FOXP1: variants seen among roughly 807,000 people sequenced by gnomAD.
FOXP1 encodes the protein forkhead box P1.
Under a neutral mutation model 98.2 loss-of-function variants are expected in FOXP1, and 15 were observed. The observed-to-expected ratio is 0.15, with a 90% CI of 0.10 to 0.24. The LOEUF (loss-of-function observed/expected upper bound fraction) is 0.24. Among genes scored for constraint, FOXP1 ranks in the 10% least tolerant of loss-of-function variants. FOXP1 has a pLI of 1.00. For synonymous variants in FOXP1, 371 were observed against 314.5 expected, an observed-to-expected ratio of 1.18 and a Z score of -1.90; for missense variants, 633 against 848.5, an observed-to-expected ratio of 0.75 and a Z score of 3.15.
At chr3:71,384,981 G>A (rs902818897) in intron 3 of FOXP1, among the ~76,000 whole-genome samples, 3 of 151,954 alleles carry the variant, frequency 2.0e-5, no homozygotes, top group African/African-American at 7.3e-5. Flanking sequence ...AAACAGACTT[G>A]AGCAATAATA....
At chr3:71,111,429 C>T (rs1383370937) in intron 7 of FOXP1, among the ~76,000 whole-genome samples, 2 of 152,166 alleles carry the variant, frequency 1.3e-5, no homozygotes, top group South Asian at 2.1e-4. Flanking sequence ...TGGAGTTTCA[C>T]TCTTGTCGCC....
chr3:71,129,457 G>A (rs775669778), intron 6 of FOXP1, among the ~76,000 whole-genome samples: 1 of 152,192 alleles, frequency 6.6e-6, no homozygotes, highest in Non-Finnish European at 1.5e-5. Context: ...AATAGATGCT[G>A]TTTTAGATAC....
intron 4 of FOXP1, among the ~76,000 whole-genome samples, chr3:71,338,850 A>G (rs1395993095): frequency 1.3e-5 from 2 of 152,234 alleles, no homozygotes; most frequent in Non-Finnish European, 2.9e-5. Flanking sequence ...GGTGTGGAAA[A>G]GCAGTAACTA....
intron 6 of FOXP1, among the ~76,000 whole-genome samples, chr3:71,168,607 G>A (rs1483019527): frequency 6.6e-6 from 1 of 152,164 alleles, no homozygotes; most frequent in Non-Finnish European, 1.5e-5. Flanking sequence ...CAGCATTCCA[G>A]ACAGAAAATT....
At chr3:71,332,857 A>C (rs1010427470) in intron 4 of FOXP1, 1 of 152,358 alleles carries the variant, frequency 6.6e-6, no homozygotes, top group South Asian at 2.1e-4. Context: ...GGTGGGAAGA[A>C]GCAGAGGGCG....
intron 19 of FOXP1, chr3:70,966,270 G>C (rs1481747934): frequency 1.7e-6 from 1 of 580,634 alleles, no homozygotes; most frequent in Non-Finnish European, 3.1e-6. Context: ...GGGGCCAGGG[G>C]GGACCAAGTG....
intron 5 of FOXP1, among the ~76,000 whole-genome samples, chr3:71,287,734 C>T (rs1199111593): frequency 2.0e-5 from 3 of 150,032 alleles, no homozygotes; most frequent in Admixed American, 1.3e-4. Context: ...GAGCTGAGGT[C>T]GTGCCACTGC....
At chr3:71,057,417 G>A (rs2107205075) in intron 7 of FOXP1, among the ~76,000 whole-genome samples, 4 of 135,294 alleles carry the variant, frequency 3.0e-5, no homozygotes, top group Middle Eastern at 9.5e-3. Flanking sequence ...CCTTAACTGG[G>A]AGTTCAAGCT....
At chr3:71,047,214 G>A in intron 9 of FOXP1, 119 bp from the exon 10 acceptor site, 1 of 1,164,118 alleles carries the variant, frequency 8.6e-7, no homozygotes, top group Non-Finnish European at 1.3e-6. Flanking sequence ...GAGCTCAGTG[G>A]AGGGCTCCGT....
intron 14 of FOXP1, among the ~76,000 whole-genome samples, chr3:70,981,987 T>A (rs1380223037): frequency 6.6e-6 from 1 of 152,202 alleles, no homozygotes; most frequent in Non-Finnish European, 1.5e-5. Flanking sequence ...CCTTGTCAAC[T>A]GGTACAGAAG....
chr3:71,023,830 T>C (rs138708363), intron 11 of FOXP1, among the ~76,000 whole-genome samples: 30 of 152,330 alleles, frequency 2.0e-4, no homozygotes, highest in Admixed American at 2.0e-3. Flanking sequence ...TTGTGAAATA[T>C]TTGATCATTA....
In FOXP1 at chr3:70,955,930, G is replaced by GA. The variant is rs910982900; in HGVS notation, c.*3316dup. Reference sequence around the variant, plus strand: ...TCAACTATGTTACAGTTTAAAAGCAGAAAAAAAAAGTTAGGGAGTTTCTCC... The same window carrying GA: ...TCAACTATGTTACAGTTTAAAAGCAGAAAAAAAAAAGTTAGGGAGTTTCTCC... On this transcript the variant is annotated 3_prime_UTR_variant, in exon 21 of 21. Transcript: ENST00000649528. The GA allele has an allele frequency of 8.7e-6, 2 of 230,250 alleles. No individual in the cohort carries two copies. The highest frequency in any genetic ancestry group is 2.2e-5 in the African/African-American group (1 of 44,586). 14.3% of individuals were successfully genotyped at this position (230,250 alleles called of 1,614,324 possible).
Position 71,047,097 on chromosome 3 carries a change from TG to T in FOXP1, c.511-3del, listed in dbSNP as rs1486882124. 1 of 1,613,844 alleles carries T rather than the reference TG, an allele frequency of 6.2e-7. No individual in the cohort carries two copies. On this transcript the variant is annotated splice_region_variant and splice_polypyrimidine_tract_variant and intron_variant, in intron 9 of 20. Coordinates refer to ENST00000649528, the MANE Select transcript of FOXP1 (RefSeq NM_001349338.3). Reference sequence around the variant, plus strand: ...CTGCTGGGTAGCCACCTGCTGTTGCTGTAAGAAATCAGGAAGAAAAAATGAG... The same window carrying T: ...CTGCTGGGTAGCCACCTGCTGTTGCTTAAGAAATCAGGAAGAAAAAATGAG...
intron 11 of FOXP1, among the ~76,000 whole-genome samples, chr3:71,018,651 GTGTT>G (rs2044891776): frequency 6.6e-6 from 1 of 152,122 alleles, no homozygotes; most frequent in Admixed American, 6.5e-5. Context: ...CTGAAATAAA[GTGTT>G]TGGCTTTGGA....
At chr3:71,235,770 G>T (rs552492585) in intron 5 of FOXP1, among the ~76,000 whole-genome samples, 1 of 152,224 alleles carries the variant, frequency 6.6e-6, no homozygotes, top group African/African-American at 2.4e-5. Context: ...GTTTCACCGT[G>T]TTAGCCAGGA....
At chr3:71,065,883 A>C (rs1198367250) in intron 7 of FOXP1, 1 of 152,110 alleles carries the variant, frequency 6.6e-6, no homozygotes, top group Non-Finnish European at 1.5e-5. Flanking sequence ...GGCTCAACTG[A>C]CACGACTTAA....
At chr3:71,511,189 T>C (rs563908406) in intron 2 of FOXP1, among the ~76,000 whole-genome samples, 1 of 152,332 alleles carries the variant, frequency 6.6e-6, no homozygotes, top group African/African-American at 2.4e-5. Context: ...CTGAGCACTC[T>C]GGCTTAAAGG....
chr3:71,299,349 C>A (rs543974785), intron 5 of FOXP1, among the ~76,000 whole-genome samples: 1 of 152,158 alleles, frequency 6.6e-6, no homozygotes, highest in Non-Finnish European at 1.5e-5. Context: ...ATCAATGTGG[C>A]GTGTTGCTAT....
intron 3 of FOXP1, among the ~76,000 whole-genome samples, chr3:71,451,030 CTT>C: frequency 6.6e-6 from 1 of 152,228 alleles, no homozygotes; most frequent in East Asian, 1.9e-4. Flanking sequence ...TCAAAATCCT[CTT>C]GTCAGCCAGC....
Sources: gnomAD v4.1 joint callset for allele counts (sites outside exome capture counted in the v4.1 genomes callset) on GRCh38, gnomAD v4.1.1 for gene constraint, MANE v1.5 for transcripts, NCBI Gene and HGNC (gene_info 2026-07-23, HGNC 2026-07-21) for gene names.